Variants in PRKAG2 observed in about 807,000 individuals in gnomAD.
PRKAG2 encodes 5'-AMP-activated protein kinase subunit gamma-2.
In PRKAG2, 26 loss-of-function variants were observed where a neutral mutation model predicts 69.6. The observed-to-expected ratio is 0.37, with a 90% confidence interval of 0.27 to 0.52. PRKAG2 has a LOEUF of 0.52. PRKAG2 is among the 20% of genes least tolerant of loss of function. The pLI is 0.90. For missense variants in PRKAG2, 557 were observed against 740.0 expected, an observed-to-expected ratio of 0.75 and a Z score of 2.87; for synonymous variants, 293 against 285.0, an observed-to-expected ratio of 1.03 and a Z score of -0.28.
At chr7:151,605,270 G>A (rs2151187927) in intron 5 of PRKAG2, among the ~76,000 whole-genome samples, 2 of 151,824 alleles carry the variant, frequency 1.3e-5, no homozygotes, top group Admixed American at 1.3e-4. Context: ...GCCTGCCTGA[G>A]CCTCCCAAAG....
At chr7:151,558,053 G>A (rs373704228) in intron 15 of PRKAG2, 9 of 985,142 alleles carry the variant, frequency 9.1e-6, no homozygotes, top group East Asian at 2.3e-4. Context: ...ACCCCTGAAA[G>A]AGATCGGCAA....
intron 1 of PRKAG2, among the ~76,000 whole-genome samples, chr7:151,800,012 A>G (rs912870875): frequency 6.6e-6 from 1 of 152,152 alleles, no homozygotes; most frequent in Non-Finnish European, 1.5e-5. Context: ...CTACCCCCTC[A>G]GTGAGGCAGG....
chr7:151,560,075 T>C, intron 15 of PRKAG2: 1 of 984,892 alleles, frequency 1.0e-6, no homozygotes, highest in Non-Finnish European at 1.2e-6. Flanking sequence ...ACAATATTAA[T>C]GAATAAAAGT....
chr7:151,662,297 A>C (rs1830436019), intron 4 of PRKAG2, among the ~76,000 whole-genome samples: 1 of 152,184 alleles, frequency 6.6e-6, no homozygotes, highest in South Asian at 2.1e-4. Flanking sequence ...AAAGGAATGA[A>C]AGAAAATGTG....
intron 3 of PRKAG2, among the ~76,000 whole-genome samples, chr7:151,722,373 A>G (rs1364788927): frequency 2.0e-5 from 3 of 152,180 alleles, no homozygotes; most frequent in Non-Finnish European, 2.9e-5. Flanking sequence ...ATAAGTTTAC[A>G]AACATTAGGA....
At chr7:151,873,000 T>C (rs945654862) in intron 1 of PRKAG2, among the ~76,000 whole-genome samples, 4 of 152,230 alleles carry the variant, frequency 2.6e-5, no homozygotes, top group Middle Eastern at 3.2e-3. Flanking sequence ...TTTTTAGTAT[T>C]TCCCAAATAT....
chr7:151,652,770 T>A (rs1028885044), intron 4 of PRKAG2, among the ~76,000 whole-genome samples: 1 of 152,078 alleles, frequency 6.6e-6, no homozygotes, highest in Non-Finnish European at 1.5e-5. Context: ...GGACTACAGA[T>A]GTGAGCCACC....
chr7:151,669,609 G>A (rs564397409), intron 4 of PRKAG2, among the ~76,000 whole-genome samples: 2 of 152,274 alleles, frequency 1.3e-5, no homozygotes, highest in Admixed American at 6.5e-5. Context: ...AGCACCAATT[G>A]CCACTTATAT....
chr7:151,772,765 C>T (rs1255611457), intron 3 of PRKAG2, among the ~76,000 whole-genome samples: 1 of 151,792 alleles, frequency 6.6e-6, no homozygotes, highest in African/African-American at 2.4e-5. Context: ...GTGGGAGGAT[C>T]GCTTGAGTAC....
At chr7:151,830,291 G>A (rs978638804) in intron 1 of PRKAG2, among the ~76,000 whole-genome samples, 2 of 151,800 alleles carry the variant, frequency 1.3e-5, no homozygotes, top group Non-Finnish European at 2.9e-5. Flanking sequence ...CCACCTGCAC[G>A]GGCCAGAGCC....
chr7:151,566,633 G>C (rs1158732919), intron 11 of PRKAG2: 1 of 435,600 alleles, frequency 2.3e-6, no homozygotes, highest in African/African-American at 2.1e-5. Context: ...ATCAGGAAAA[G>C]ATGAACAATT....
intron 3 of PRKAG2, among the ~76,000 whole-genome samples, chr7:151,755,481 GGCTTGGA>G (rs1362820058): frequency 6.6e-6 from 1 of 152,096 alleles, no homozygotes; most frequent in Non-Finnish European, 1.5e-5. Flanking sequence ...TGTGTGGTGG[GGCTTGGA>G]GTTTTCATTT....
rs1243796892 is a variant in PRKAG2 at position 151,835,036 on chromosome 7, G to A, written c.114+41471C>T. Reference sequence around the variant, plus strand: ...GTGTCCAGAATCCCCCTCATACGCAGATGCCAGCCATGTGGAAAAGGGCCA... The same window carrying A: ...GTGTCCAGAATCCCCCTCATACGCAAATGCCAGCCATGTGGAAAAGGGCCA... On this transcript the variant is annotated intron_variant, in intron 1 of 15. Transcript: ENST00000287878. The surrounding 1 kb of genome is among the most constrained non-coding windows in gnomAD (Gnocchi z 4.1). 6.6e-6 allele frequency among the ~76,000 whole-genome samples: 1 copy of A among 152,166 alleles called. No individual in the cohort carries two copies. Among genetic ancestry groups the A allele is most frequent in the African/African-American group, 2.4e-5 (1 of 41,420 alleles).
At chr7:151,636,270 A>C (rs1377311184) in intron 4 of PRKAG2, among the ~76,000 whole-genome samples, 1 of 152,182 alleles carries the variant, frequency 6.6e-6, no homozygotes, top group Non-Finnish European at 1.5e-5. Context: ...TTACATTTTC[A>C]TCATCCCAAA....
chr7:151,588,310 G>T lies in PRKAG2; in HGVS notation c.864+7035C>A, dbSNP rs192394894. ...CCAGTGGGAGGTAACTGAATCATGG[G>T]GGGGAGTCTTTCCCATGCTGTTCTC... On this transcript the variant is annotated intron_variant, in intron 6 of 15. Coordinates refer to ENST00000287878, the MANE Select transcript of PRKAG2 (RefSeq NM_016203.4). 3.6e-3 allele frequency among the ~76,000 whole-genome samples: 555 copies of T among 152,176 alleles called. 1 individual carries two copies. The highest frequency in any genetic ancestry group is 6.1e-3 in the Non-Finnish European group (415 of 68,014).
intron 3 of PRKAG2, among the ~76,000 whole-genome samples, chr7:151,734,711 G>C (rs1243822907): frequency 6.6e-6 from 1 of 151,968 alleles, no homozygotes; most frequent in African/African-American, 2.4e-5. Context: ...CACCATGCTC[G>C]GCTAACTTTT....
chr7:151,838,790 A>G (rs1042398072), intron 1 of PRKAG2, among the ~76,000 whole-genome samples: 1 of 151,796 alleles, frequency 6.6e-6, no homozygotes, highest in Non-Finnish European at 1.5e-5. Context: ...TGAGACAGGC[A>G]GACCCCTTGA....
chr7:151,562,547 A>G (rs1055919193), intron 14 of PRKAG2, among the ~76,000 whole-genome samples: 48 of 152,292 alleles, frequency 3.2e-4, no homozygotes, highest in African/African-American at 9.4e-4. Flanking sequence ...TTCTCTAAAA[A>G]AGCTTTCAGG....
intron 1 of PRKAG2, among the ~76,000 whole-genome samples, chr7:151,832,242 GGGAAGGAA>G (rs1255077015): frequency 4.3e-5 from 1 of 23,402 alleles, no homozygotes; most frequent in African/African-American, 1.1e-4. Context: ...GAGAGGAGGA[GGGAAGGAA>G]GGGAGGAGGG....
Sources: gnomAD v4.1 joint callset for allele counts (sites outside exome capture counted in the v4.1 genomes callset) on GRCh38, gnomAD v4.1.1 for gene constraint, Gnocchi (gnomAD v3.1) non-coding constraint, MANE v1.5 for transcripts, NCBI Gene and HGNC (gene_info 2026-07-23, HGNC 2026-07-21) for gene names.